Variants in CSMD1 observed in about 807,000 individuals in gnomAD.
CSMD1 encodes the protein CUB and Sushi multiple domains 1, also known as CUB and sushi domain-containing protein 1.
A neutral mutation model predicts 417.5 loss-of-function variants in CSMD1; 213 were observed. The observed-to-expected ratio is 0.51, with a 90% CI of 0.46 to 0.57. The LOEUF is 0.57. Among genes scored for constraint, CSMD1 ranks in the 20% least tolerant of loss-of-function variants. CSMD1 has a pLI of 0.00. For missense variants in CSMD1, 6,923 were observed against 4,529.7 expected (o/e 1.53, Z -15.17); for synonymous variants, 2,862 against 1,736.8 (o/e 1.65, Z -16.11).
intron 49 of CSMD1, among the ~76,000 whole-genome samples, chr8:3,070,190 A>G (rs1813239085): frequency 6.6e-6 from 1 of 152,190 alleles, no homozygotes; most frequent in Non-Finnish European, 1.5e-5. Context: ...TCTCTGAAAT[A>G]CCTTCAAGGC....
intron 1 of CSMD1, among the ~76,000 whole-genome samples, chr8:4,938,300 C>G (rs7836448): frequency 0.71 from 108,143 of 151,984 alleles, 39,114 homozygotes; most frequent in Non-Finnish European, 0.78. Flanking sequence ...GGAAATTTGA[C>G]AGGAAAAGTT....
chr8:3,988,881 A>T (rs1191405179), intron 5 of CSMD1, among the ~76,000 whole-genome samples: 1 of 152,210 alleles, frequency 6.6e-6, no homozygotes, highest in Admixed American at 6.5e-5. Context: ...TTGTCACACA[A>T]TTCATAACCA....
At chr8:3,210,810 C>T (rs1347326563) in intron 30 of CSMD1, among the ~76,000 whole-genome samples, 3 of 151,548 alleles carry the variant, frequency 2.0e-5, no homozygotes, top group African/African-American at 4.8e-5. Context: ...TTTTATCACT[C>T]CCCACAAATT....
chr8:3,673,659 T>A (rs552618572), intron 7 of CSMD1, among the ~76,000 whole-genome samples: 5 of 152,332 alleles, frequency 3.3e-5, no homozygotes, highest in Admixed American at 1.3e-4. Flanking sequence ...ATAAAGCATT[T>A]ACGGTGTGAG....
At position 3,001,531 on chromosome 8, in the gene CSMD1, T is replaced by C. The variant is rs548912857; in HGVS notation, c.8030-1400A>G. 2.0e-5 allele frequency among the ~76,000 whole-genome samples: 3 copies of C among 152,266 alleles called. No homozygotes were observed. In the South Asian group the frequency reaches 6.2e-4, roughly 32 times the overall value. On this transcript the variant is annotated intron_variant, in intron 52 of 69. Coordinates refer to ENST00000635120, the MANE Select transcript of CSMD1 (RefSeq NM_033225.6). Reference sequence around the variant, plus strand: ...AAAACATTCACCATGAGTTCCTAAATAATCATCTTTGTCACTCTCCTATAG... The same window carrying C: ...AAAACATTCACCATGAGTTCCTAAACAATCATCTTTGTCACTCTCCTATAG...
chr8:4,274,913 T>C (rs750304989), intron 3 of CSMD1, among the ~76,000 whole-genome samples: 1 of 152,192 alleles, frequency 6.6e-6, no homozygotes, highest in Non-Finnish European at 1.5e-5. Context: ...GAAGGAAATG[T>C]TGTGTCTTGG....
At chr8:4,648,492 A>C (rs1451072930) in intron 1 of CSMD1, among the ~76,000 whole-genome samples, 4 of 151,912 alleles carry the variant, frequency 2.6e-5, no homozygotes, top group Non-Finnish European at 5.9e-5. Context: ...CATGCACACA[A>C]ACACACACAC....
At chr8:4,396,912 C>T (rs1334218228) in intron 3 of CSMD1, among the ~76,000 whole-genome samples, 1 of 152,022 alleles carries the variant, frequency 6.6e-6, no homozygotes, top group Non-Finnish European at 1.5e-5. Flanking sequence ...AAACAAAAGA[C>T]TACACCTTGG....
intron 3 of CSMD1, among the ~76,000 whole-genome samples, chr8:4,324,314 C>T (rs2128886229): frequency 6.6e-6 from 1 of 152,316 alleles, no homozygotes; most frequent in East Asian, 1.9e-4. Context: ...TAAACAGCAA[C>T]CTCGAAAGAA....
chr8:3,516,118 G>A (rs889082918), intron 10 of CSMD1, among the ~76,000 whole-genome samples: 1 of 152,190 alleles, frequency 6.6e-6, no homozygotes, highest in Admixed American at 6.5e-5. Context: ...CTCACAGAAA[G>A]AGGAGGAACA....
At chr8:3,434,095 C>T (rs1477165137) in intron 12 of CSMD1, among the ~76,000 whole-genome samples, 2 of 152,212 alleles carry the variant, frequency 1.3e-5, no homozygotes, top group African/African-American at 2.4e-5. Context: ...GCATCTGATG[C>T]TTTCCAGAGT....
chr8:3,358,990 T>C (rs541694683), intron 21 of CSMD1, among the ~76,000 whole-genome samples, 162 bp downstream of exon 21: 3 of 152,222 alleles, frequency 2.0e-5, no homozygotes, highest in East Asian at 1.9e-4. Flanking sequence ...CCAGAGCAGT[T>C]AGGCAGCTCC....
At chr8:4,701,618 C>G (rs1271267512) in intron 1 of CSMD1, among the ~76,000 whole-genome samples, 1 of 152,110 alleles carries the variant, frequency 6.6e-6, no homozygotes, top group Non-Finnish European at 1.5e-5. Context: ...TGTTCCACAG[C>G]TGTTGACAGT....
intron 3 of CSMD1, among the ~76,000 whole-genome samples, chr8:4,078,597 A>G (rs2552140): frequency 0.19 from 29,228 of 151,002 alleles, 3,073 homozygotes; most frequent in Middle Eastern, 0.29. Flanking sequence ...AATCTTCGTT[A>G]TGAAATATAA....
At chr8:4,107,748 G>T (rs1338154483) in intron 3 of CSMD1, among the ~76,000 whole-genome samples, 3 of 152,088 alleles carry the variant, frequency 2.0e-5, no homozygotes, top group Non-Finnish European at 2.9e-5. Context: ...GGGACGCTGC[G>T]GTTTGTCACA....
intron 10 of CSMD1, among the ~76,000 whole-genome samples, chr8:3,516,188 C>G (rs1418300080): frequency 2.6e-5 from 4 of 152,134 alleles, no homozygotes; most frequent in Non-Finnish European, 4.4e-5. Context: ...AATATTGTCT[C>G]CAAATTTGAA....
chr8:4,815,515 G>A (rs1296945832), intron 1 of CSMD1, among the ~76,000 whole-genome samples: 1 of 151,792 alleles, frequency 6.6e-6, no homozygotes, highest in African/African-American at 2.4e-5. Context: ...GACCAACACA[G>A]TGAAACCCCA....
Position 2,937,082 on chromosome 8 carries a change from G to C in CSMD1, c.*1503C>G, listed in dbSNP as rs1208170836. 3.9e-5 allele frequency: 6 copies of C among 152,110 alleles called. No individual in the cohort carries two copies. The highest frequency in any genetic ancestry group is 3.3e-4 in the Admixed American group (5 of 15,268). 9.4% of individuals were successfully genotyped at this position (152,110 alleles called of 1,614,324 possible). On this transcript the variant is annotated 3_prime_UTR_variant, in exon 70 of 70. Coordinates refer to ENST00000635120, the MANE Select transcript of CSMD1 (RefSeq NM_033225.6). ...TAAAAGTAAACATGATTTTCACTTT[G>C]AATTTGTTACATAAACTACCTCACG...
chr8:3,667,658 G>T (rs1390606366), intron 7 of CSMD1, among the ~76,000 whole-genome samples: 4 of 152,138 alleles, frequency 2.6e-5, no homozygotes, highest in African/African-American at 4.8e-5. Context: ...CCAGGCCTTG[G>T]GGTGAAGAGC....
Sources: allele counts gnomAD v4.1 joint callset (sites outside exome capture counted in the v4.1 genomes callset), GRCh38; gene constraint gnomAD v4.1.1; transcripts MANE v1.5; gene names NCBI Gene and HGNC (gene_info 2026-07-23, HGNC 2026-07-21).